Variants in FKBP5 observed in about 807,000 individuals in gnomAD.
The protein encoded by FKBP5 is peptidyl-prolyl cis-trans isomerase FKBP5.
A neutral mutation model predicts 50.5 loss-of-function variants in FKBP5; 23 were observed. The ratio of observed to expected loss-of-function variants is 0.46; its 90% confidence interval spans 0.33 to 0.65. The LOEUF (loss-of-function observed/expected upper bound fraction) is 0.65, where lower values mean the gene tolerates loss of function less well. Among genes scored for constraint, FKBP5 ranks in the 30% least tolerant of loss-of-function variants. The pLI is 0.02. For synonymous variants in FKBP5, 176 were observed against 190.6 expected (o/e 0.92, Z 0.63); for missense variants, 411 against 553.1 (o/e 0.74, Z 2.58).
intron 2 of FKBP5, among the ~76,000 whole-genome samples, chr6:35,718,046 A>G (rs1194308711): frequency 6.6e-6 from 1 of 152,184 alleles, no homozygotes; most frequent in African/African-American, 2.4e-5. Flanking sequence ...GAGGGTTGCA[A>G]AATGGAGGCA....
chr6:35,589,710 CTCTT>C (rs1230911453), intron 7 of FKBP5, among the ~76,000 whole-genome samples: 3 of 152,214 alleles, frequency 2.0e-5, no homozygotes, highest in Non-Finnish European at 2.9e-5. Context: ...TATCTTCTCT[CTCTT>C]TAACAATAAA....
intron 3 of FKBP5, among the ~76,000 whole-genome samples, chr6:35,636,059 G>A (rs1764301270): frequency 6.6e-6 from 1 of 152,156 alleles, no homozygotes; most frequent in South Asian, 2.1e-4. Context: ...TGAATGAATT[G>A]TTTATTCACA....
At chr6:35,598,463 T>C (rs1416678474) in intron 5 of FKBP5, among the ~76,000 whole-genome samples, 1 of 151,852 alleles carries the variant, frequency 6.6e-6, no homozygotes, top group Non-Finnish European at 1.5e-5. Flanking sequence ...CCTCAGGTGA[T>C]CCACCCGCCT....
Position 35,575,785 on chromosome 6 carries a change from C to G in FKBP5, c.*50G>C. 1 of 1,167,116 alleles carries G rather than the reference C, an allele frequency of 8.6e-7. No homozygotes were observed. The highest frequency in any genetic ancestry group is 2.3e-5 in the East Asian group (1 of 42,842). The allele number at this position is 1,167,116 out of a possible 1,614,324, so 72.3% of individuals were successfully genotyped here. On this transcript the variant is annotated 3_prime_UTR_variant, in exon 11 of 11. Coordinates refer to ENST00000357266, the MANE Select transcript of FKBP5 (RefSeq NM_004117.4). ...TTCTGTCCTGAGTTGGGGGAAAGCCCATTGAGGAGGGGCCGAGTTCACTGG... is the reference window on the plus strand; with the variant it reads ...TTCTGTCCTGAGTTGGGGGAAAGCCGATTGAGGAGGGGCCGAGTTCACTGG...
intron 1 of FKBP5, among the ~76,000 whole-genome samples, chr6:35,662,058 TTTTA>T (rs766433472): frequency 4.6e-5 from 7 of 152,164 alleles, no homozygotes; most frequent in Non-Finnish European, 8.8e-5. Context: ...ACTTTCTCTT[TTTTA>T]TTTATTTATT....
rs779987649 is a variant in FKBP5, at chr6:35,637,141, C to T, written c.123G>A (p.Gly41=). 1.9e-6 allele frequency: 3 copies of T among 1,608,484 alleles called. No individual in the cohort carries two copies. Among genetic ancestry groups the T allele is most frequent in the South Asian group, 2.2e-5 (2 of 89,416 alleles). Residue 41 remains glycine (G), a synonymous_variant, in exon 3 of 11, where the codon GGG becomes GGA. Coordinates refer to ENST00000357266, the MANE Select transcript of FKBP5 (RefSeq NM_004117.4). ...RGVLKIVKRV[G]NGEETPMIGD... is the part of the protein sequence containing the mutation. The stretch of plus-strand genomic sequence containing the variant: ...CAATCATCGGCGTTTCCTCACCATT[C>T]CCCACTCTTTTGACAATCTAGAAAA...
intron 6 of FKBP5, among the ~76,000 whole-genome samples, chr6:35,593,885 C>T (rs141717792): frequency 2.6e-5 from 4 of 151,300 alleles, no homozygotes; most frequent in South Asian, 4.2e-4. Context: ...GGGGTTCATG[C>T]GTGACAGAAA....
intron 5 of FKBP5, 118 bp downstream of exon 5, chr6:35,618,978 G>A (rs1246645559): frequency 1.5e-6 from 1 of 684,402 alleles, no homozygotes; most frequent in Non-Finnish European, 2.5e-6. Flanking sequence ...TTACAGGCGT[G>A]AGTCACTGCG....
At chr6:35,674,163 T>A (rs1283679805) in intron 1 of FKBP5, among the ~76,000 whole-genome samples, 2 of 152,126 alleles carry the variant, frequency 1.3e-5, no homozygotes, top group African/African-American at 4.8e-5. Flanking sequence ...GAGGATTATG[T>A]AAACAACTAG....
At chr6:35,611,611 A>C (rs981427457) in intron 5 of FKBP5, among the ~76,000 whole-genome samples, 2 of 152,214 alleles carry the variant, frequency 1.3e-5, no homozygotes, top group African/African-American at 4.8e-5. Context: ...CCTGCAATTA[A>C]ACTTAAAGAC....
At chr6:35,673,551 G>C (rs1382850856) in intron 1 of FKBP5, among the ~76,000 whole-genome samples, 1 of 151,892 alleles carries the variant, frequency 6.6e-6, no homozygotes, top group Non-Finnish European at 1.5e-5. Context: ...GAAAAAAAAA[G>C]AAGAAAACAG....
intron 1 of FKBP5, among the ~76,000 whole-genome samples, chr6:35,670,066 T>C (rs1273830958): frequency 6.6e-6 from 1 of 152,216 alleles, no homozygotes; most frequent in East Asian, 1.9e-4. Flanking sequence ...TCACAAACTA[T>C]CAAATCCTTT....
intron 1 of FKBP5, among the ~76,000 whole-genome samples, chr6:35,677,932 C>T (rs369887909): frequency 2.6e-4 from 39 of 152,154 alleles, no homozygotes; most frequent in African/African-American, 8.2e-4. Flanking sequence ...TACAGGCACG[C>T]GCCCCCACAC....
intron 1 of FKBP5, among the ~76,000 whole-genome samples, chr6:35,672,761 T>TA (rs11399067): frequency 0.68 from 99,092 of 145,606 alleles, 33,495 homozygotes; most frequent in East Asian, 0.73. Context: ...TTGTCTCTAC[T>TA]AAAAAAAAAA....
intron 5 of FKBP5, among the ~76,000 whole-genome samples, chr6:35,601,284 A>G (rs1763136792): frequency 6.6e-6 from 1 of 152,226 alleles, no homozygotes; most frequent in Non-Finnish European, 1.5e-5. Context: ...AATACTGACA[A>G]CATTCGGAAT....
intron 2 of FKBP5, among the ~76,000 whole-genome samples, chr6:35,711,727 C>T (rs923180602): frequency 1.3e-5 from 2 of 152,270 alleles, no homozygotes; most frequent in South Asian, 4.1e-4. Context: ...AGACATTACA[C>T]AGGTAAACAT....
At chr6:35,653,406 G>A (rs921147986) in intron 1 of FKBP5, among the ~76,000 whole-genome samples, 7 of 152,124 alleles carry the variant, frequency 4.6e-5, no homozygotes, top group Admixed American at 3.9e-4. Flanking sequence ...AACAGCATGG[G>A]ATATGAGGGA....
intron 1 of FKBP5, among the ~76,000 whole-genome samples, chr6:35,686,286 TA>T (rs1765826051): frequency 6.6e-6 from 1 of 152,108 alleles, no homozygotes; most frequent in South Asian, 2.1e-4. Flanking sequence ...AATCAGTAAT[TA>T]AAATATCTAA....
rs766231834 is a variant in FKBP5 at position 35,597,445 on chromosome 6, T to C, written c.509-41A>G. 7 of 1,585,444 alleles carry C rather than the reference T, an allele frequency of 4.4e-6. No homozygotes were observed. In the South Asian group the frequency reaches 5.7e-5, roughly 13 times the overall value. The stretch of plus-strand genomic sequence containing the variant: ...CAGGAGAGTCAACAGAGCTGCTTCT[T>C]AGGACTGGCTAATTCAGTGAAGTGA... On this transcript the variant is annotated intron_variant, in intron 5 of 10. Transcript: ENST00000357266.
Sources: gnomAD v4.1 joint callset for allele counts (sites outside exome capture counted in the v4.1 genomes callset) on GRCh38, gnomAD v4.1.1 for gene constraint, MANE v1.5 for transcripts, NCBI Gene and HGNC (gene_info 2026-07-23, HGNC 2026-07-21) for gene names.